FBXL18: variants seen among roughly 807,000 people sequenced by gnomAD.
The protein encoded by FBXL18 is F-box/LRR-repeat protein 18.
In FBXL18, 36 loss-of-function variants were observed where a neutral mutation model predicts 46.0. The ratio of observed to expected loss-of-function variants is 0.78; its 90% CI spans 0.60 to 1.03. The LOEUF (loss-of-function observed/expected upper bound fraction) is 1.03, where lower values mean the gene tolerates loss of function less well. Among genes scored for constraint, FBXL18 ranks in the 50% least tolerant of loss-of-function variants. The pLI, the probability that FBXL18 is intolerant of heterozygous loss-of-function variation, is 0.00. For missense variants in FBXL18, 977 were observed against 1,004.1 expected, an observed-to-expected ratio of 0.97 and a Z score of 0.36; for synonymous variants, 557 against 465.3, an observed-to-expected ratio of 1.20 and a Z score of -2.54.
At chr7:5,504,228 A>G (rs1784337199) in intron 2 of FBXL18, among the ~76,000 whole-genome samples, 2 of 151,338 alleles carry the variant, frequency 1.3e-5, no homozygotes, top group African/African-American at 4.9e-5. Context: ...TCAGGAGTTC[A>G]AGACCAGCCT....
intron 1 of FBXL18, among the ~76,000 whole-genome samples, chr7:5,512,546 G>A (rs1464731889): frequency 1.3e-5 from 2 of 151,976 alleles, no homozygotes; most frequent in African/African-American, 4.8e-5. Context: ...CAGGGGAGGC[G>A]GAGGTTGCAG....
At chr7:5,488,972 A>C (rs1234011841) in intron 4 of FBXL18, among the ~76,000 whole-genome samples, 1 of 152,238 alleles carries the variant, frequency 6.6e-6, no homozygotes, top group Non-Finnish European at 1.5e-5. Flanking sequence ...CATCCAGCTC[A>C]CAGCACAAGG....
At position 5,496,344 on chromosome 7, in the gene FBXL18, C is replaced by G. The variant is rs370362948; in HGVS notation, c.1781+4144G>C. 3.7e-4 allele frequency among the ~76,000 whole-genome samples: 57 copies of G among 152,320 alleles called. No individual in the cohort carries two copies. The highest frequency in any genetic ancestry group is 3.5e-3 in the South Asian group (17 of 4,824). On this transcript the variant is annotated intron_variant, in intron 3 of 4. Transcript: ENST00000382368. The surrounding 1 kb of genome is among the most constrained non-coding windows in gnomAD (Gnocchi z 4.8). ...ACCTCTGCCTCTTGCTTCCGGAACA[C>G]CCCCTCCCTCCGGCCAGTGCCTCCC...
At chr7:5,503,481 G>A (rs1429745327) in intron 2 of FBXL18, among the ~76,000 whole-genome samples, 1 of 151,858 alleles carries the variant, frequency 6.6e-6, no homozygotes, top group Non-Finnish European at 1.5e-5. Flanking sequence ...AGCCTCCTGA[G>A]TAGCTGGAAC....
intron 3 of FBXL18, among the ~76,000 whole-genome samples, chr7:5,495,389 C>T (rs1321908706): frequency 1.3e-5 from 2 of 152,228 alleles, no homozygotes; most frequent in South Asian, 2.1e-4. Context: ...CACAGCAGCC[C>T]GGGTGACTCA....
At chr7:5,503,069 G>A (rs930026884) in intron 2 of FBXL18, among the ~76,000 whole-genome samples, 1 of 152,220 alleles carries the variant, frequency 6.6e-6, no homozygotes, top group African/African-American at 2.4e-5. Flanking sequence ...TCCACACGGG[G>A]AAATGTGATC....
At chr7:5,457,381 T>C (rs943706601) in intron 4 of FBXL18, among the ~76,000 whole-genome samples, 6 of 152,162 alleles carry the variant, frequency 3.9e-5, no homozygotes, top group Non-Finnish European at 7.4e-5. Flanking sequence ...AACTGAGTCC[T>C]TAGAGATGTA....
At chr7:5,504,157 C>G (rs186973329) in intron 2 of FBXL18, among the ~76,000 whole-genome samples, 2 of 151,836 alleles carry the variant, frequency 1.3e-5, no homozygotes, top group Admixed American at 1.3e-4. Flanking sequence ...TTGCCAGGCA[C>G]AATGGGTCAC....
chr7:5,472,276 C>T (rs1783438250), downstream of FBXL18, among the ~76,000 whole-genome samples: 1 of 152,142 alleles, frequency 6.6e-6, no homozygotes, highest in Admixed American at 6.5e-5. Context: ...TGACCTCCCA[C>T]CCCAAGAGGT....
At chr7:5,471,369 C>T (rs944183012), downstream of FBXL18, among the ~76,000 whole-genome samples, 22 of 152,278 alleles carry the variant, frequency 1.4e-4, no homozygotes, top group African/African-American at 4.6e-4. Flanking sequence ...CTCCGCCTCC[C>T]GGGTTCACGC....
downstream of FBXL18, among the ~76,000 whole-genome samples, chr7:5,471,044 C>T (rs145810655): frequency 6.6e-6 from 1 of 152,214 alleles, no homozygotes; most frequent in Non-Finnish European, 1.5e-5. Context: ...CCACTAGCTG[C>T]GTGGCCTTAA....
downstream of FBXL18, among the ~76,000 whole-genome samples, chr7:5,471,651 C>T (rs1783429763): frequency 6.6e-6 from 1 of 152,200 alleles, no homozygotes; most frequent in Non-Finnish European, 1.5e-5. Flanking sequence ...ACCTCATGAT[C>T]TGCCCTCCTC....
rs1390245111 is a variant in FBXL18 at position 5,501,816 on chromosome 7, G to A, written c.453C>T (p.Ile151=). ...TGGCGTCGAAGCCGGGGCTCACGTCGATGGCCAGCGAGCGCAGGTGCTGCA... is the reference window on the plus strand; with the variant it reads ...TGGCGTCGAAGCCGGGGCTCACGTCAATGGCCAGCGAGCGCAGGTGCTGCA... The part of the protein sequence containing the change: ...SALQHLRSLA[I]DVSPGFDASQ... The change falls in exon 3 of 5, where the codon ATC becomes ATT. Residue 151 remains isoleucine, a synonymous_variant. Coordinates refer to ENST00000382368, the MANE Select transcript of FBXL18 (RefSeq NM_024963.6). 5 of 1,583,254 alleles carry A rather than the reference G, an allele frequency of 3.2e-6. 1 individual carries two copies. In the South Asian group the frequency reaches 5.8e-5, roughly 18 times the overall value.
chr7:5,476,624 C>T lies in FBXL18; in HGVS notation c.*5151G>A, dbSNP rs1407561801. The T allele has an allele frequency of 6.6e-6, 1 of 152,112 alleles. No individual in the cohort carries two copies. The highest frequency in any genetic ancestry group is 1.5e-5 in the Non-Finnish European group (1 of 68,058). The allele number at this position is 152,112 out of a possible 1,614,324, so 9.4% of individuals were successfully genotyped here. On this transcript the variant is annotated 3_prime_UTR_variant, in exon 5 of 5. Coordinates refer to ENST00000382368, the MANE Select transcript of FBXL18 (RefSeq NM_024963.6). ...GGGACCACAGGCACATGTACAATGCCCAGCTAACTTTTTTTTTTATTTTAT... is the reference window on the plus strand; with the variant it reads ...GGGACCACAGGCACATGTACAATGCTCAGCTAACTTTTTTTTTTATTTTAT...
At chr7:5,461,309 G>C (rs944613805) in intron 4 of FBXL18, among the ~76,000 whole-genome samples, 1 of 152,244 alleles carries the variant, frequency 6.6e-6, no homozygotes, top group Non-Finnish European at 1.5e-5. Context: ...GCTTCTACCT[G>C]TAATCCCAGC....
chr7:5,490,942 C>T (rs1783905577), intron 4 of FBXL18, among the ~76,000 whole-genome samples: 1 of 152,202 alleles, frequency 6.6e-6, no homozygotes, highest in Non-Finnish European at 1.5e-5. Context: ...CTGGGCAACA[C>T]AGTGAGACTC....
At chr7:5,512,842 G>A (rs1244914492) in intron 1 of FBXL18, among the ~76,000 whole-genome samples, 1 of 152,054 alleles carries the variant, frequency 6.6e-6, no homozygotes, top group Non-Finnish European at 1.5e-5. Flanking sequence ...TGAGCACAGC[G>A]ACCCCCAGCC....
chr7:5,485,915 C>A (rs1383857947), intron 4 of FBXL18, among the ~76,000 whole-genome samples: 4 of 151,884 alleles, frequency 2.6e-5, no homozygotes, highest in Non-Finnish European at 2.9e-5. Flanking sequence ...AAAAATTAGC[C>A]GGGCGTGGTG....
intron 4 of FBXL18, among the ~76,000 whole-genome samples, chr7:5,463,004 T>TACATAC (rs1783279009): frequency 1.2e-5 from 1 of 83,890 alleles, no homozygotes; most frequent in Non-Finnish European, 2.5e-5. Context: ...ATAATATATA[T>TACATAC]ACACACACAC....
Sources: gnomAD v4.1 joint callset for allele counts (sites outside exome capture counted in the v4.1 genomes callset) on GRCh38, gnomAD v4.1.1 for gene constraint, Gnocchi (gnomAD v3.1) non-coding constraint, MANE v1.5 for transcripts, NCBI Gene and HGNC (gene_info 2026-07-23, HGNC 2026-07-21) for gene names.